CDH18: variants seen among roughly 807,000 people sequenced by gnomAD.
CDH18 encodes cadherin-18.
Under a neutral mutation model 67.9 loss-of-function variants are expected in CDH18, and 31 were observed. That is an observed-to-expected ratio of 0.46 (90% CI 0.34 to 0.62). The LOEUF is 0.62. Among genes scored for constraint, CDH18 ranks in the 20% least tolerant of loss-of-function variants. The pLI, the probability that CDH18 is intolerant of heterozygous loss-of-function variation, is 0.01. For synonymous variants in CDH18, 362 were observed against 347.2 expected (o/e 1.04, Z -0.48); for missense variants, 890 against 975.5 (o/e 0.91, Z 1.17).
At chr5:20,354,130 T>A (rs1406018949) in intron 1 of CDH18, among the ~76,000 whole-genome samples, 1 of 152,228 alleles carries the variant, frequency 6.6e-6, no homozygotes, top group Non-Finnish European at 1.5e-5. Flanking sequence ...TTGATAGTTT[T>A]AACTTCTCAC....
chr5:20,200,994 AGG>A (rs1739404754), intron 2 of CDH18, among the ~76,000 whole-genome samples: 2 of 152,048 alleles, frequency 1.3e-5, no homozygotes, highest in South Asian at 4.1e-4. Flanking sequence ...TATCTTCTTA[AGG>A]TTACTGTAAG....
chr5:20,128,379 T>C (rs1337095895), intron 2 of CDH18, among the ~76,000 whole-genome samples: 5 of 152,002 alleles, frequency 3.3e-5, no homozygotes, highest in African/African-American at 1.2e-4. Context: ...AGAAAAGAAA[T>C]ATACATGGTG....
chr5:19,785,667 A>T, intron 3 of CDH18, among the ~76,000 whole-genome samples: 1 of 64,224 alleles, frequency 1.6e-5, no homozygotes, highest in African/African-American at 7.1e-5. Context: ...AAAAAAAAAA[A>T]AAAAAAAAAA....
chr5:19,528,957 G>C (rs1213679896), intron 9 of CDH18, among the ~76,000 whole-genome samples: 1 of 151,638 alleles, frequency 6.6e-6, no homozygotes, highest in African/African-American at 2.4e-5. Flanking sequence ...TAAGAAGTTT[G>C]ACTGGTTTGG....
intron 5 of CDH18, among the ~76,000 whole-genome samples, chr5:19,655,219 CAT>C (rs931632062): frequency 6.6e-6 from 1 of 152,084 alleles, no homozygotes; most frequent in Non-Finnish European, 1.5e-5. Context: ...CCACATCCTG[CAT>C]ATGTGTCTAT....
intron 2 of CDH18, among the ~76,000 whole-genome samples, chr5:19,978,259 T>C (rs924782086): frequency 2.0e-5 from 3 of 152,128 alleles, no homozygotes; most frequent in Non-Finnish European, 2.9e-5. Context: ...TTTTCTTTCA[T>C]TAGGAGTAAC....
intron 2 of CDH18, among the ~76,000 whole-genome samples, chr5:20,157,944 C>T (rs1223392015): frequency 6.6e-6 from 1 of 152,020 alleles, no homozygotes; most frequent in African/African-American, 2.4e-5. Flanking sequence ...TTCTTTTCAT[C>T]CTCCTCTTCC....
At chr5:19,500,968 T>TA (rs1000663185) in intron 11 of CDH18, among the ~76,000 whole-genome samples, 9 of 151,086 alleles carry the variant, frequency 6.0e-5, no homozygotes, top group Admixed American at 4.0e-4. Context: ...CTGTCTCTAC[T>TA]AAAAAATACA....
intron 3 of CDH18, among the ~76,000 whole-genome samples, chr5:19,768,856 C>A (rs1172337804): frequency 1.3e-5 from 2 of 151,434 alleles, no homozygotes; most frequent in Admixed American, 6.6e-5. Context: ...TAGAAAAAAT[C>A]AATAACAAAA....
At chr5:19,755,464 C>CACATATATATAT (rs1282333246) in intron 3 of CDH18, among the ~76,000 whole-genome samples, 6 of 81,586 alleles carry the variant, frequency 7.4e-5, no homozygotes, top group Non-Finnish European at 1.4e-4. Flanking sequence ...TATATACACA[C>CACATATATATAT]ACACACACAC....
At chr5:19,804,153 T>C (rs1163277136) in intron 3 of CDH18, 1 of 130,402 alleles carries the variant, frequency 7.7e-6, no homozygotes, top group Admixed American at 7.7e-5. Flanking sequence ...ATACGAAAAA[T>C]TAGCCGGGCA....
At chr5:19,977,768 T>C (rs1798636554) in intron 2 of CDH18, among the ~76,000 whole-genome samples, 1 of 152,164 alleles carries the variant, frequency 6.6e-6, no homozygotes, top group Admixed American at 6.6e-5. Context: ...AAACATGAGA[T>C]AAGGCCATTC....
In CDH18 at chr5:20,186,676, T is replaced by A. The variant is rs538035536; in HGVS notation, c.-518+68768A>T. 2.6e-4 allele frequency among the ~76,000 whole-genome samples: 40 copies of A among 152,006 alleles called. 1 individual carries two copies. In the East Asian group the frequency reaches 6.6e-3, roughly 25 times the overall value. ...ATAATATGTTGGCATTTTGTTGAAA[T>A]GTTAGATCCCTTGTACATTGCTGGT... On this transcript the variant is annotated intron_variant, in intron 2 of 14. Coordinates refer to the CDH18 transcript ENST00000507958.
chr5:20,336,748 A>AAAAAAAAAAAAAAAAAAAAC (rs1739803925), intron 1 of CDH18, among the ~76,000 whole-genome samples: 1 of 136,180 alleles, frequency 7.3e-6, no homozygotes, highest in Non-Finnish European at 1.6e-5. Context: ...AAAAAAAAAA[A>AAAAAAAAAAAAAAAAAAAAC]AAAAAAAGAA....
intron 1 of CDH18, among the ~76,000 whole-genome samples, chr5:20,343,036 T>G (rs1446997659): frequency 6.6e-6 from 1 of 152,174 alleles, no homozygotes; most frequent in Non-Finnish European, 1.5e-5. Context: ...GTATGTCAGA[T>G]CTAACGGTTT....
chr5:20,308,300 T>G (rs1220964620), intron 1 of CDH18, among the ~76,000 whole-genome samples: 1 of 152,016 alleles, frequency 6.6e-6, no homozygotes, highest in Non-Finnish European at 1.5e-5. Flanking sequence ...CCCAGCACTT[T>G]GGGAGGCCGA....
chr5:20,370,609 T>C (rs1298290556), intron 1 of CDH18, among the ~76,000 whole-genome samples: 1 of 152,206 alleles, frequency 6.6e-6, no homozygotes, highest in Non-Finnish European at 1.5e-5. Flanking sequence ...AGGTGAAATT[T>C]ATGTGCAGTA....
chr5:19,861,568 A>C (rs1784915892), intron 2 of CDH18, among the ~76,000 whole-genome samples: 1 of 152,212 alleles, frequency 6.6e-6, no homozygotes, highest in Non-Finnish European at 1.5e-5. Flanking sequence ...AGAGGGACAA[A>C]GGCAGAAATG....
At chr5:20,156,980 G>C (rs1024953773) in intron 2 of CDH18, among the ~76,000 whole-genome samples, 3 of 152,132 alleles carry the variant, frequency 2.0e-5, no homozygotes, top group Admixed American at 1.3e-4. Context: ...GCCTGGAATG[G>C]AGGCTAGTTC....
Sources: gnomAD v4.1 joint callset for allele counts (sites outside exome capture counted in the v4.1 genomes callset) on GRCh38, gnomAD v4.1.1 for gene constraint, MANE v1.5 for transcripts, NCBI Gene and HGNC (gene_info 2026-07-23, HGNC 2026-07-21) for gene names.